Variants in CTNNA2 observed in about 807,000 individuals in gnomAD.
CTNNA2 encodes catenin alpha-2.
In CTNNA2, 42 loss-of-function variants were observed where a neutral mutation model predicts 101.0. The observed-to-expected ratio is 0.42, with a 90% CI of 0.32 to 0.54. The LOEUF (loss-of-function observed/expected upper bound fraction) is 0.54, where lower values mean the gene tolerates loss of function less well. Among genes scored for constraint, CTNNA2 ranks in the 20% least tolerant of loss-of-function variants. The probability of loss-of-function intolerance (pLI) is 0.14; values close to 1 mark genes in which losing one functional copy is unlikely to be tolerated. For missense variants in CTNNA2, 871 were observed against 1,223.1 expected (o/e 0.71, Z 4.29); for synonymous variants, 450 against 456.4 (o/e 0.99, Z 0.18).
intron 2 of CTNNA2, among the ~76,000 whole-genome samples, chr2:79,277,247 C>CT (rs1168979303): frequency 3.9e-5 from 6 of 152,052 alleles, no homozygotes; most frequent in East Asian, 1.9e-4. Flanking sequence ...GTGGAAAATT[C>CT]TTTTTTTTAT....
intron 2 of CTNNA2, among the ~76,000 whole-genome samples, chr2:79,676,515 A>G (rs1227203473): frequency 2.6e-5 from 4 of 152,166 alleles, no homozygotes; most frequent in Non-Finnish European, 1.5e-5. Flanking sequence ...CATAGCCTGG[A>G]GGAATACAGT....
intron 13 of CTNNA2, among the ~76,000 whole-genome samples, chr2:80,578,499 T>A (rs17019387): frequency 0.012 from 1,820 of 152,270 alleles, 35 homozygotes; most frequent in African/African-American, 0.04. Flanking sequence ...ATAGCACTCA[T>A]AGTTTTAAAA....
intron 7 of CTNNA2, among the ~76,000 whole-genome samples, chr2:80,273,803 C>A (rs563647274): frequency 6.6e-6 from 1 of 152,132 alleles, no homozygotes; most frequent in East Asian, 1.9e-4. Context: ...CAATTGCAGT[C>A]CTCCTCTACT....
chr2:79,729,336 A>G (rs1687062216), intron 2 of CTNNA2, among the ~76,000 whole-genome samples: 1 of 152,084 alleles, frequency 6.6e-6, no homozygotes, highest in Admixed American at 6.6e-5. Flanking sequence ...CATCCCTTTA[A>G]GGTGTATATT....
intron 1 of CTNNA2, among the ~76,000 whole-genome samples, chr2:79,582,442 T>C (rs1315436732): frequency 1.3e-5 from 2 of 152,172 alleles, no homozygotes; most frequent in African/African-American, 4.8e-5. Context: ...CTCTCTTTTT[T>C]CTCTTACCTT....
At chr2:79,491,748 T>C (rs903138305) in intron 4 of CTNNA2, among the ~76,000 whole-genome samples, 12 of 152,146 alleles carry the variant, frequency 7.9e-5, no homozygotes, top group African/African-American at 2.9e-4. Flanking sequence ...CACCACACCA[T>C]TGCCTCACCA....
chr2:79,720,369 A>T (rs2203050), intron 2 of CTNNA2, among the ~76,000 whole-genome samples: 65,968 of 151,924 alleles, frequency 0.43, 15,125 homozygotes, highest in African/African-American at 0.59. Context: ...TTGCTTAGGC[A>T]ATTCAGACTC....
chr2:80,393,164 T>A (rs750734155), intron 7 of CTNNA2, 47 bp from the exon 8 acceptor site: 7 of 1,436,980 alleles, frequency 4.9e-6, no homozygotes, highest in Non-Finnish European at 6.7e-6. Flanking sequence ...TTAATGTCTC[T>A]AACATTGAAT....
chr2:79,538,139 C>T (rs1334995465), intron 1 of CTNNA2, among the ~76,000 whole-genome samples: 1 of 152,012 alleles, frequency 6.6e-6, no homozygotes, highest in African/African-American at 2.4e-5. Context: ...AAAACACAAA[C>T]TCAAACTTGT....
intron 18 of CTNNA2, 148 bp from the exon 19 acceptor site, chr2:80,647,437 A>G (rs1674228006): frequency 6.1e-6 from 4 of 660,824 alleles, no homozygotes; most frequent in Admixed American, 3.3e-5. Flanking sequence ...AGATTTTAAA[A>G]ACCTTAACTT....
intron 7 of CTNNA2, among the ~76,000 whole-genome samples, chr2:80,216,269 C>T (rs560897839): frequency 7.2e-5 from 11 of 152,244 alleles, no homozygotes; most frequent in Admixed American, 3.3e-4. Flanking sequence ...ACCCACTGTC[C>T]GACAAGCTCC....
intron 12 of CTNNA2, among the ~76,000 whole-genome samples, chr2:80,570,994 G>A (rs1406155160): frequency 6.6e-6 from 1 of 152,100 alleles, no homozygotes; most frequent in Admixed American, 6.6e-5. Flanking sequence ...CTTGCGGGAA[G>A]TATCAGGCCA....
At chr2:80,642,890 TGAG>T (rs1398690848) in intron 18 of CTNNA2, among the ~76,000 whole-genome samples, 3 of 151,996 alleles carry the variant, frequency 2.0e-5, no homozygotes, top group South Asian at 2.1e-4. Context: ...AAACACAAAA[TGAG>T]GAGAGTATAG....
intron 3 of CTNNA2, among the ~76,000 whole-genome samples, chr2:79,324,281 G>A (rs1422326004): frequency 6.6e-6 from 1 of 152,166 alleles, no homozygotes; most frequent in Non-Finnish European, 1.5e-5. Flanking sequence ...AGTATGCATG[G>A]CAAGCAGGGT....
At chr2:79,450,465 G>A (rs1269956774) in intron 4 of CTNNA2, among the ~76,000 whole-genome samples, 1 of 151,940 alleles carries the variant, frequency 6.6e-6, no homozygotes, top group African/African-American at 2.4e-5. Flanking sequence ...TCTAACAGTG[G>A]CCATGAAAAG....
At chr2:80,486,830 A>C (rs1423162201) in intron 9 of CTNNA2, among the ~76,000 whole-genome samples, 1 of 152,226 alleles carries the variant, frequency 6.6e-6, no homozygotes, top group Middle Eastern at 3.4e-3. Flanking sequence ...CTATTCAATA[A>C]ATTTCATACT....
chr2:79,988,513 T>C (rs1044178340), intron 7 of CTNNA2, among the ~76,000 whole-genome samples: 2 of 151,298 alleles, frequency 1.3e-5, no homozygotes, highest in Non-Finnish European at 2.9e-5. Flanking sequence ...TTAGCTTCTA[T>C]GTGAGGAGCC....
intron 3 of CTNNA2, among the ~76,000 whole-genome samples, chr2:79,355,505 G>T (rs906038530): frequency 2.0e-5 from 3 of 151,910 alleles, no homozygotes; most frequent in African/African-American, 7.3e-5. Flanking sequence ...TGGCATTTAG[G>T]ACAATCACAG....
intron 4 of CTNNA2, among the ~76,000 whole-genome samples, chr2:79,451,769 T>A (rs1358544025): frequency 1.3e-5 from 2 of 150,820 alleles, no homozygotes; most frequent in Non-Finnish European, 3.0e-5. Flanking sequence ...ATTATATATA[T>A]AAAATATTTT....
Sources: allele counts gnomAD v4.1 joint callset (sites outside exome capture counted in the v4.1 genomes callset), GRCh38; gene constraint gnomAD v4.1.1; transcripts MANE v1.5; gene names NCBI Gene and HGNC (gene_info 2026-07-23, HGNC 2026-07-21).